The following JAZF1 variants were observed in gnomAD, a reference collection of about 807,000 sequenced individuals.
The protein encoded by JAZF1 is juxtaposed with another zinc finger protein 1.
A neutral mutation model predicts 26.4 loss-of-function variants in JAZF1; 8 were observed. That is an observed-to-expected ratio of 0.30 (90% CI 0.18 to 0.55). The LOEUF is 0.55. JAZF1 is among the 20% of genes least tolerant of loss of function. The pLI, the probability that JAZF1 is intolerant of heterozygous loss-of-function variation, is 0.94. For synonymous variants in JAZF1, 126 were observed against 122.3 expected (o/e 1.03, Z -0.20); for missense variants, 199 against 322.0 (o/e 0.62, Z 2.92).
chr7:27,978,383 T>C (rs930001959), intron 2 of JAZF1, among the ~76,000 whole-genome samples: 1 of 152,280 alleles, frequency 6.6e-6, no homozygotes, highest in South Asian at 2.1e-4. Flanking sequence ...AAAAAACAGC[T>C]TGGTGTCTGA....
At chr7:27,962,123 T>C (rs1400415220) in intron 2 of JAZF1, among the ~76,000 whole-genome samples, 2 of 152,212 alleles carry the variant, frequency 1.3e-5, no homozygotes, top group African/African-American at 4.8e-5. Context: ...CTTGAGAGTC[T>C]TCATGTACAA....
At chr7:27,867,218 G>A (rs1207670702) in intron 3 of JAZF1, among the ~76,000 whole-genome samples, 2 of 152,272 alleles carry the variant, frequency 1.3e-5, no homozygotes, top group African/African-American at 4.8e-5. Context: ...GATTGATATA[G>A]AGAAAAATGT....
At chr7:27,967,465 TA>T (rs893126012) in intron 2 of JAZF1, among the ~76,000 whole-genome samples, 10 of 152,182 alleles carry the variant, frequency 6.6e-5, no homozygotes, top group Non-Finnish European at 1.5e-4. Flanking sequence ...CTTTTAGTTG[TA>T]AAAAGATGAA....
chr7:27,951,759 T>C (rs775091828), intron 2 of JAZF1, among the ~76,000 whole-genome samples: 4 of 152,168 alleles, frequency 2.6e-5, no homozygotes, highest in Non-Finnish European at 5.9e-5. Flanking sequence ...TGCTCAGCCA[T>C]CTCCTAGTTT....
At chr7:27,945,088 A>T (rs1396078574) in intron 2 of JAZF1, among the ~76,000 whole-genome samples, 1 of 152,134 alleles carries the variant, frequency 6.6e-6, no homozygotes, top group African/African-American at 2.4e-5. Flanking sequence ...TGGAAAAGTG[A>T]TCGAGAACTC....
intron 1 of JAZF1, among the ~76,000 whole-genome samples, chr7:28,062,104 C>A (rs1783807028): frequency 6.6e-6 from 1 of 152,116 alleles, no homozygotes; most frequent in African/African-American, 2.4e-5. Flanking sequence ...TAAATTATCA[C>A]AACAAAACAA....
At chr7:27,846,645 G>C (rs1020594742) in intron 3 of JAZF1, 2 of 432,460 alleles carry the variant, frequency 4.6e-6, no homozygotes, top group African/African-American at 4.1e-5. Flanking sequence ...AGAGCTGTCT[G>C]AATGGGTGTG....
intron 1 of JAZF1, among the ~76,000 whole-genome samples, chr7:27,998,195 G>A (rs573287688): frequency 6.6e-5 from 10 of 152,194 alleles, no homozygotes; most frequent in Admixed American, 6.5e-4. Flanking sequence ...CAGAAGCCCT[G>A]CGTCCTGAGT....
chr7:28,110,592 AAAAGGAAAAGGAAAAGG>A (rs1296810280), intron 1 of JAZF1, among the ~76,000 whole-genome samples: 3 of 125,192 alleles, frequency 2.4e-5, no homozygotes, highest in Admixed American at 9.1e-5. Flanking sequence ...AAGGAAAAGG[AAAAGGAAAAGGAAAAGG>A]AAAGGAAAAG....
At chr7:28,165,860 C>G (rs1283148929) in intron 1 of JAZF1, among the ~76,000 whole-genome samples, 1 of 152,186 alleles carries the variant, frequency 6.6e-6, no homozygotes, top group African/African-American at 2.4e-5. Context: ...TTGTCTGCTT[C>G]TTCCATGAGC....
chr7:28,021,161 C>T (rs1382169868), intron 1 of JAZF1, among the ~76,000 whole-genome samples: 3 of 152,144 alleles, frequency 2.0e-5, no homozygotes, highest in East Asian at 3.9e-4. Context: ...TGGCAAGCGG[C>T]GGACACGGGC....
chr7:27,996,777 T>A lies in JAZF1; in HGVS notation c.116-4796A>T, dbSNP rs147163202. On this transcript the variant is annotated intron_variant, in intron 1 of 4. Transcript: ENST00000283928. Reference sequence around the variant, plus strand: ...GGCATATCCTCTCTTCTTTGCACACTTTTCAGAGGTGAAGAACTTGTCTCA... The same window carrying A: ...GGCATATCCTCTCTTCTTTGCACACATTTCAGAGGTGAAGAACTTGTCTCA... 4.4e-3 allele frequency among the ~76,000 whole-genome samples: 677 copies of A among 152,350 alleles called. 14 individuals carry two copies. The highest frequency in any genetic ancestry group is 1.4e-3 in the Non-Finnish European group (95 of 68,024).
rs1562754655 is a variant in JAZF1, at chr7:27,831,049, T to C, written c.*1751A>G. On this transcript the variant is annotated 3_prime_UTR_variant, in exon 5 of 5. Coordinates refer to ENST00000283928, the MANE Select transcript of JAZF1 (RefSeq NM_175061.4). ...GATATGAAATAGCCAAGTGGGGCCT[T>C]CTTATGCACCAACTAGTTGCGTCTC... is the stretch of plus-strand genomic sequence containing the variant. The C allele has an allele frequency of 4.5e-6, 1 of 221,986 alleles. No individual in the cohort carries two copies. The highest frequency in any genetic ancestry group is 9.0e-6 in the Non-Finnish European group (1 of 110,826). The allele number at this position is 221,986 out of a possible 1,614,324, so 13.8% of individuals were successfully genotyped here.
At chr7:27,981,778 T>C (rs1011863106) in intron 2 of JAZF1, among the ~76,000 whole-genome samples, 7 of 152,202 alleles carry the variant, frequency 4.6e-5, no homozygotes, top group African/African-American at 1.7e-4. Flanking sequence ...TTCTCCGAGA[T>C]GACTTATCCA....
At position 28,081,856 on chromosome 7, in the gene JAZF1, C is replaced by A. The variant is rs527854014; in HGVS notation, c.116-89875G>T. On this transcript the variant is annotated intron_variant, in intron 1 of 4. Transcript: ENST00000283928. ...ACATATTATGCCATTTTCATTACCA[C>A]AAAATGCTGCACTCTTATGCTTTCT... Among the ~76,000 whole-genome samples, 8 of 152,250 alleles carry A rather than the reference C, an allele frequency of 5.3e-5. No homozygotes were observed. In the East Asian group the frequency reaches 1.5e-3, roughly 29 times the overall value.
intron 3 of JAZF1, among the ~76,000 whole-genome samples, chr7:27,876,063 C>T (rs558401489): frequency 1.4e-4 from 22 of 152,298 alleles, no homozygotes; most frequent in Non-Finnish European, 2.2e-4. Context: ...ATGTCTCTTA[C>T]CTTCTGGTCT....
intron 2 of JAZF1, among the ~76,000 whole-genome samples, chr7:27,964,984 T>C (rs1413434463): frequency 1.3e-5 from 2 of 152,196 alleles, no homozygotes; most frequent in Non-Finnish European, 2.9e-5. Context: ...TTTTCTAACA[T>C]TATCAGCATG....
intron 3 of JAZF1, among the ~76,000 whole-genome samples, chr7:27,888,018 G>C (rs1222901077): frequency 1.3e-5 from 2 of 152,194 alleles, no homozygotes; most frequent in African/African-American, 4.8e-5. Flanking sequence ...CAAATAAACT[G>C]TAGGCCAGGA....
At chr7:28,123,636 C>T (rs774668677) in intron 1 of JAZF1, among the ~76,000 whole-genome samples, 10 of 152,198 alleles carry the variant, frequency 6.6e-5, no homozygotes, top group Non-Finnish European at 1.5e-4. Flanking sequence ...CTGCCAGCCA[C>T]GTCAAGAGGC....
Sources: allele counts gnomAD v4.1 joint callset (sites outside exome capture counted in the v4.1 genomes callset), GRCh38; gene constraint gnomAD v4.1.1; transcripts MANE v1.5; gene names NCBI Gene and HGNC (gene_info 2026-07-23, HGNC 2026-07-21).